Variants in PERP observed in about 807,000 individuals in gnomAD.
PERP encodes the protein p53 apoptosis effector related to PMP-22.
In PERP, 11 loss-of-function variants were observed where a neutral mutation model predicts 20.3. The ratio of observed to expected loss-of-function variants is 0.54; its 90% CI spans 0.34 to 0.90. The LOEUF (loss-of-function observed/expected upper bound fraction) is 0.90, where lower values mean the gene tolerates loss of function less well. Among genes scored for constraint, PERP ranks in the 40% least tolerant of loss-of-function variants. The pLI is 0.02. For missense variants in PERP, 224 were observed against 249.4 expected (o/e 0.90, Z 0.69); for synonymous variants, 101 against 102.0 (o/e 0.99, Z 0.06).
Position 138,089,977 on chromosome 6 carries a change from C to T in PERP, c.*2065G>A, listed in dbSNP as rs543951428. 6.6e-6 allele frequency: 1 copy of T among 152,228 alleles called. No individual in the cohort carries two copies. The highest frequency in any genetic ancestry group is 6.5e-5 in the Admixed American group (1 of 15,288). The allele number at this position is 152,228 out of a possible 1,614,324, so 9.4% of individuals were successfully genotyped here. On this transcript the variant is annotated 3_prime_UTR_variant, in exon 3 of 3. Transcript: ENST00000421351. ...TGGTAGAGAAGCTTATAAACGGAGT[C>T]ATTTTCATGTTTAACAGGAGACCAC...
rs1775857679 is a variant in PERP at position 138,107,172 on chromosome 6, C to T, written c.169G>A (p.Gly57Ser). Reference sequence around the variant, plus strand: ...CAGCCCTCCTCGTAGGACCCGCTGCCGCCGCCCTCTTGGGAGCATTTCCAC... The same window carrying T: ...CAGCCCTCCTCGTAGGACCCGCTGCTGCCGCCCTCTTGGGAGCATTTCCAC... ...LWWKCSQEGG[G>S]SGSYEEGCQS... Residue 57 changes from glycine (G) to serine (S), a missense_variant, in exon 1 of 3, where the codon GGC becomes AGC. By Grantham distance (56) the Gly-to-Ser change is moderately conservative. Coordinates refer to ENST00000421351, the MANE Select transcript of PERP (RefSeq NM_022121.5). This position sits in a 1 kb window ranked among gnomAD's most constrained non-coding sequence, Gnocchi z 4.8. 1.2e-6 allele frequency: 2 copies of T among 1,611,458 alleles called. No individual in the cohort carries two copies. The highest frequency in any genetic ancestry group is 2.2e-5 in the East Asian group (1 of 44,842).
intron 1 of PERP, among the ~76,000 whole-genome samples, chr6:138,096,767 T>C (rs1775701263): frequency 6.6e-6 from 1 of 152,218 alleles, no homozygotes; most frequent in African/African-American, 2.4e-5. Context: ...AAAGTCAAAC[T>C]TCATTAATCT....
Position 138,097,093 on chromosome 6 carries a change from G to C in PERP, c.215-599C>G, listed in dbSNP as rs192814008. Among the ~76,000 whole-genome samples the C allele has an allele frequency of 2.7e-3, 418 of 152,098 alleles. 1 individual carries two copies. Among genetic ancestry groups the C allele is most frequent in the Non-Finnish European group, 5.3e-3 (362 of 67,986 alleles). On this transcript the variant is annotated intron_variant, in intron 1 of 2. Coordinates refer to ENST00000421351, the MANE Select transcript of PERP (RefSeq NM_022121.5). ...ATAACAAGATCTTATAACAAGCTTG[G>C]GAGCAAACCACTTTCCTAAATTTCT...
rs754247576 is a variant in PERP, at chr6:138,096,493, C to T, written c.216G>A (p.Ala72=). The T allele has an allele frequency of 3.7e-6, 6 of 1,604,296 alleles. No homozygotes were observed. The highest frequency in any genetic ancestry group is 2.7e-5 in the African/African-American group (2 of 74,310). ...EEGCQSLMEY[A]WGRAAAAMLF... ...GCATGGCAGCCGCTGCTCTACCCCA[C>T]GCTGCAAGAAAAAAAGAAACAGCAA... Residue 72 remains alanine (A), a splice_region_variant and synonymous_variant, in exon 2 of 3, where the codon GCG becomes GCA. Coordinates refer to ENST00000421351, the MANE Select transcript of PERP (RefSeq NM_022121.5).
chr6:138,089,471 C>T lies in PERP; in HGVS notation c.*2571G>A, dbSNP rs115201260. On this transcript the variant is annotated 3_prime_UTR_variant, in exon 3 of 3. Coordinates refer to ENST00000421351, the MANE Select transcript of PERP (RefSeq NM_022121.5). Reference sequence around the variant, plus strand: ...TCTTTGTTACAATCAGCAGTAAGTGCCACTTAGCATGTCTGGCTACTTACA... The same window carrying T: ...TCTTTGTTACAATCAGCAGTAAGTGTCACTTAGCATGTCTGGCTACTTACA... 3.9e-5 allele frequency: 6 copies of T among 152,134 alleles called. No homozygotes were observed. Among genetic ancestry groups the T allele is most frequent in the African/African-American group, 1.4e-4 (6 of 41,406 alleles). 9.4% of individuals were successfully genotyped at this position (152,134 alleles called of 1,614,324 possible). A position where few individuals can be genotyped will look rare whatever the true frequency, so the allele number is the denominator to read the frequency against.
chr6:138,094,288 T>A (rs1285221694), intron 2 of PERP, among the ~76,000 whole-genome samples: 1 of 152,062 alleles, frequency 6.6e-6, no homozygotes, highest in Admixed American at 6.5e-5. Context: ...AAAAAATAAC[T>A]CCCCATTCTT....
intron 1 of PERP, among the ~76,000 whole-genome samples, chr6:138,106,360 T>C (rs1349847461): frequency 6.6e-6 from 1 of 152,198 alleles, no homozygotes; most frequent in Non-Finnish European, 1.5e-5. Context: ...CAGTCCTGAC[T>C]TTCAGCAAGG....
Position 138,090,947 on chromosome 6 carries a change from A to G in PERP, c.*1095T>C, listed in dbSNP as rs755920959. ...ATGACCTATCCGATGCATCATATATATGCTATTCAGAGAAACTCAAATCCC... is the reference window on the plus strand; with the variant it reads ...ATGACCTATCCGATGCATCATATATGTGCTATTCAGAGAAACTCAAATCCC... On this transcript the variant is annotated 3_prime_UTR_variant, in exon 3 of 3. Coordinates refer to ENST00000421351, the MANE Select transcript of PERP (RefSeq NM_022121.5). The G allele has an allele frequency of 5.2e-5, 8 of 152,668 alleles. No individual in the cohort carries two copies. Among genetic ancestry groups the G allele is most frequent in the Non-Finnish European group, 8.8e-5 (6 of 68,040 alleles). The allele number at this position is 152,668 out of a possible 1,614,324, so 9.5% of individuals were successfully genotyped here. A position where few individuals can be genotyped will look rare whatever the true frequency, so the allele number is the denominator to read the frequency against.
At chr6:138,092,335 C>A in intron 2 of PERP, 67 bp from the exon 3 acceptor site, 2 of 1,308,660 alleles carry the variant, frequency 1.5e-6, no homozygotes, top group Non-Finnish European at 2.2e-6. Flanking sequence ...TACACATTAG[C>A]GACAGATTAC....
chr6:138,096,432 T>C lies in PERP; in HGVS notation c.277A>G (p.Ile93Val). The C allele has an allele frequency of 6.2e-7, 1 of 1,613,888 alleles. No homozygotes were observed. The highest frequency in any genetic ancestry group is 1.1e-5 in the South Asian group (1 of 91,056). Residue 93 changes from isoleucine (I) to valine (V), a missense_variant, in exon 2 of 3, where the codon ATC becomes GTC. Ile to Val is a conservative substitution (Grantham distance 29). Coordinates refer to ENST00000421351, the MANE Select transcript of PERP (RefSeq NM_022121.5). ...CGFIILVICF[I>V]LSFFALCGPQ... The stretch of plus-strand genomic sequence containing the variant: ...CCACAGAGGGCGAAGAAGGAGAGGA[T>C]GAAACAGATCACCAGGATGATGAAG...
chr6:138,106,927 CTTGGTG>C (rs1435124462), intron 1 of PERP, among the ~76,000 whole-genome samples, 194 bp downstream of exon 1: 1 of 78,122 alleles, frequency 1.3e-5, no homozygotes, highest in African/African-American at 4.8e-5. Flanking sequence ...TGTTTCTGAG[CTTGGTG>C]TTGGCCACCC....
At chr6:138,104,019 G>T (rs1167213058) in intron 1 of PERP, among the ~76,000 whole-genome samples, 1 of 152,158 alleles carries the variant, frequency 6.6e-6, no homozygotes, top group African/African-American at 2.4e-5. Flanking sequence ...AATCCTCACT[G>T]ACTCCCTGTT....
chr6:138,104,596 G>A (rs902930019), intron 1 of PERP, among the ~76,000 whole-genome samples: 3 of 152,186 alleles, frequency 2.0e-5, no homozygotes, highest in Admixed American at 6.5e-5. Context: ...CAACTAATAA[G>A]AGAGGTGTTG....
chr6:138,092,874 G>A (rs1283242921), intron 2 of PERP, among the ~76,000 whole-genome samples: 4 of 152,114 alleles, frequency 2.6e-5, no homozygotes, highest in Non-Finnish European at 5.9e-5. Flanking sequence ...AGAGGAAACA[G>A]ACGTGGAGGG....
chr6:138,107,136 T>A lies in PERP; in HGVS notation c.205A>T (p.Met69Leu), dbSNP rs763166031. ...GGCGGCGGGCACTCACCGTACTCCA[T>A]GAGGCTCTGACAGCCCTCCTCGTAG... ...GSYEEGCQSL[M>L]EYAWGRAAAA... is the part of the protein sequence containing the mutation. The change falls in exon 1 of 3, where the codon ATG (methionine) becomes TTG (leucine). Residue 69 changes from methionine to leucine, a missense_variant. Transcript: ENST00000421351. This position sits in a 1 kb window ranked among gnomAD's most constrained non-coding sequence, Gnocchi z 4.8. 7 of 1,607,372 alleles carry A rather than the reference T, an allele frequency of 4.4e-6. No homozygotes were observed. The highest frequency in any genetic ancestry group is 5.9e-6 in the Non-Finnish European group (7 of 1,177,674).
In PERP at chr6:138,089,021, A is replaced by T. The variant is rs1775536583; in HGVS notation, c.*3021T>A. The T allele has an allele frequency of 6.6e-6, 1 of 152,154 alleles. No individual in the cohort carries two copies. The highest frequency in any genetic ancestry group is 1.5e-5 in the Non-Finnish European group (1 of 68,032). The allele number at this position is 152,154 out of a possible 1,614,324, so 9.4% of individuals were successfully genotyped here. A position where few individuals can be genotyped will look rare whatever the true frequency, so the allele number is the denominator to read the frequency against. ...ATTGATCAGTGCTTCCAACTCAAGG[A>T]ATATTTAAAATTTTTTAATTAAAGA... On this transcript the variant is annotated 3_prime_UTR_variant, in exon 3 of 3. Coordinates refer to ENST00000421351, the MANE Select transcript of PERP (RefSeq NM_022121.5).
intron 1 of PERP, among the ~76,000 whole-genome samples, chr6:138,101,207 T>C (rs1324171776): frequency 6.6e-6 from 1 of 152,062 alleles, no homozygotes; most frequent in Non-Finnish European, 1.5e-5. Flanking sequence ...CCATCTCTAC[T>C]AAAAATACAA....
chr6:138,097,004 TTAAA>T (rs1427249560), intron 1 of PERP, among the ~76,000 whole-genome samples: 2 of 150,876 alleles, frequency 1.3e-5, no homozygotes, highest in African/African-American at 4.9e-5. Context: ...GGCAGAGGTG[TTAAA>T]TAAAACAATT....
At chr6:138,100,939 C>T (rs533182078) in intron 1 of PERP, among the ~76,000 whole-genome samples, 6 of 152,200 alleles carry the variant, frequency 3.9e-5, no homozygotes, top group African/African-American at 7.2e-5. Flanking sequence ...TTTCCTAGGA[C>T]GTGTTTTTAA....
Sources: gnomAD v4.1 joint callset for allele counts (sites outside exome capture counted in the v4.1 genomes callset) on GRCh38, gnomAD v4.1.1 for gene constraint, Gnocchi (gnomAD v3.1) non-coding constraint, MANE v1.5 for transcripts, NCBI Gene and HGNC (gene_info 2026-07-23, HGNC 2026-07-21) for gene names.